Variants in UGT1A3 observed in about 807,000 individuals in gnomAD.
UGT1A3 encodes UDP-glucuronosyltransferase 1A3.
Under a neutral mutation model 41.0 loss-of-function variants are expected in UGT1A3, and 31 were observed. That is an observed-to-expected ratio of 0.76 (90% CI 0.57 to 1.02). UGT1A3 has a LOEUF of 1.02. Ranked by LOEUF, UGT1A3 falls within the 50% of genes least tolerant of loss-of-function variation. The pLI is 0.00. For missense variants in UGT1A3, 737 were observed against 671.0 expected (o/e 1.10, Z -1.09); for synonymous variants, 262 against 257.6 (o/e 1.02, Z -0.17).
intron 1 of UGT1A3, chr2:233,755,543 A>C (rs1450453289): frequency 6.3e-6 from 1 of 158,400 alleles, no homozygotes; most frequent in African/African-American, 2.4e-5. Flanking sequence ...CATGGTCTCC[A>C]AAAAGGATGG....
intron 1 of UGT1A3, among the ~76,000 whole-genome samples, chr2:233,736,167 C>T (rs1159152421): frequency 6.6e-6 from 1 of 152,232 alleles, no homozygotes; most frequent in Non-Finnish European, 1.5e-5. Context: ...TAGATTTGGT[C>T]TTTCCACATA....
chr2:233,768,814 C>T (rs1699733347), intron 4 of UGT1A3, among the ~76,000 whole-genome samples: 1 of 152,052 alleles, frequency 6.6e-6, no homozygotes, highest in African/African-American at 2.4e-5. Context: ...GAACTCCTGA[C>T]TTCAGGTGAT....
chr2:233,765,534 C>G (rs1303263434), intron 1 of UGT1A3, among the ~76,000 whole-genome samples: 1 of 152,060 alleles, frequency 6.6e-6, no homozygotes, highest in African/African-American at 2.4e-5. Context: ...CATGTTCTCA[C>G]TCATAAGTGG....
At chr2:233,762,544 T>C (rs755070967) in intron 1 of UGT1A3, among the ~76,000 whole-genome samples, 100 of 152,370 alleles carry the variant, frequency 6.6e-4, no homozygotes, top group Middle Eastern at 6.8e-3. Flanking sequence ...TACCACAGTG[T>C]ATTCTGCTGG....
chr2:233,741,316 A>C (rs1691627687), intron 1 of UGT1A3, among the ~76,000 whole-genome samples: 7 of 151,556 alleles, frequency 4.6e-5, no homozygotes, highest in Admixed American at 4.6e-4. Context: ...ACACCAACTC[A>C]TTCTACTCTA....
intron 1 of UGT1A3, among the ~76,000 whole-genome samples, chr2:233,736,548 C>T (rs547329540): frequency 1.4e-4 from 21 of 152,318 alleles, no homozygotes; most frequent in Admixed American, 5.9e-4. Flanking sequence ...CAGCTTTGCT[C>T]CATTGCTAGC....
Position 233,759,652 on chromosome 2 carries a change from C to T in UGT1A3, c.868-7382C>T, listed in dbSNP as rs35665780. Among the ~76,000 whole-genome samples the T allele has an allele frequency of 2.9e-3, 358 of 121,974 alleles. 3 individuals are homozygous for T. Among genetic ancestry groups the T allele is most frequent in the Middle Eastern group, 0.024 (3 of 124 alleles). The allele number at this position is 121,974 out of a possible 152,430, so 80.0% of individuals were successfully genotyped here. A position where few individuals can be genotyped will look rare whatever the true frequency, so the allele number is the denominator to read the frequency against. On this transcript the variant is annotated intron_variant, in intron 1 of 4. Coordinates refer to ENST00000482026, the MANE Select transcript of UGT1A3 (RefSeq NM_019093.4). The stretch of plus-strand genomic sequence containing the variant: ...TCCTTCTTAGCATGCTTCACGATTT[C>T]TAAGTTCCTGCTCATGTGTTTAAAT...
chr2:233,760,659 G>T (rs757137518), intron 1 of UGT1A3: 3 of 1,614,230 alleles, frequency 1.9e-6, no homozygotes, highest in Non-Finnish European at 1.7e-6. Context: ...CTATGCTTTT[G>T]TCTGGCTGTT....
At chr2:233,749,672 C>T (rs779436675) in intron 1 of UGT1A3, among the ~76,000 whole-genome samples, 1 of 151,816 alleles carries the variant, frequency 6.6e-6, no homozygotes, top group African/African-American at 2.4e-5. Flanking sequence ...ATAATCCCCA[C>T]GTGTCAAGGA....
chr2:233,745,571 G>A (rs1471928952), intron 1 of UGT1A3, among the ~76,000 whole-genome samples: 1 of 151,668 alleles, frequency 6.6e-6, no homozygotes, highest in African/African-American at 2.4e-5. Flanking sequence ...ATAGCCTCTA[G>A]TGACATAACC....
At chr2:233,730,080 A>G (rs1159659352) in intron 1 of UGT1A3, 87 bp downstream of exon 1, 6 of 1,604,940 alleles carry the variant, frequency 3.7e-6, no homozygotes, top group Non-Finnish European at 5.1e-6. Context: ...TTCCATATTT[A>G]CTTATCTTTC....
chr2:233,738,354 G>A lies in UGT1A3; in HGVS notation c.867+8361G>A, dbSNP rs1033187922. Among the ~76,000 whole-genome samples the A allele has an allele frequency of 9.2e-5, 14 of 152,188 alleles. 1 individual carries two copies. Among genetic ancestry groups the A allele is most frequent in the Admixed American group, 7.2e-4 (11 of 15,278 alleles). The stretch of plus-strand genomic sequence containing the variant: ...ACAGTAAATTGGTGTCATGGAGAGT[G>A]GGGTACTGCTATAAAACTACTTGAA... On this transcript the variant is annotated intron_variant, in intron 1 of 4. Coordinates refer to ENST00000482026, the MANE Select transcript of UGT1A3 (RefSeq NM_019093.4).
rs1394358402 is a variant in UGT1A3 at position 233,747,887 on chromosome 2, T to C, written c.867+17894T>C. The C allele has an allele frequency of 1.2e-5, 19 of 1,613,492 alleles. No homozygotes were observed. The South Asian group carries it at 2.0e-4, about 17-fold the overall frequency. ...CTCTGGCCCTGTCCTACCTTTGCCA[T>C]GCTCTTTCTGCTCCTTATGCAAGCC... On this transcript the variant is annotated intron_variant, in intron 1 of 4. Transcript: ENST00000482026.
chr2:233,760,663 G>A, intron 1 of UGT1A3: 1 of 1,614,204 alleles, frequency 6.2e-7, no homozygotes, highest in Non-Finnish European at 8.5e-7. Context: ...GCTTTTGTCT[G>A]GCTGTTCCCA....
Position 233,729,358 on chromosome 2 carries a change from A to G in UGT1A3, c.232A>G (p.Thr78Ala). The G allele has an allele frequency of 6.2e-7, 1 of 1,614,176 alleles. No homozygotes were observed. The highest frequency in any genetic ancestry group is 1.7e-5 in the Admixed American group (1 of 60,034). ...CAAAGAAGAGAACTTTTTCACCCTG[A>G]CAACCTATGCCATTTCGTGGACCCA... ...HIKEENFFTLTTYAISWTQDE... is the reference protein window; with the variant it reads ...HIKEENFFTLATYAISWTQDE... Residue 78 changes from threonine to alanine, a missense_variant, in exon 1 of 5, where the codon ACA (threonine) becomes GCA (alanine). Physicochemically the swap from Thr to Ala is moderately conservative, Grantham distance 58. Coordinates refer to ENST00000482026, the MANE Select transcript of UGT1A3 (RefSeq NM_019093.4).
At chr2:233,766,970 TACTG>T in intron 1 of UGT1A3, 60 bp from the exon 2 acceptor site, 8 of 1,610,026 alleles carry the variant, frequency 5.0e-6, no homozygotes, top group Non-Finnish European at 6.8e-6. Flanking sequence ...ATTCATAACT[TACTG>T]TATGTAGTCA....
At chr2:233,736,121 A>G (rs1050675156) in intron 1 of UGT1A3, among the ~76,000 whole-genome samples, 2 of 152,066 alleles carry the variant, frequency 1.3e-5, no homozygotes, top group African/African-American at 4.8e-5. Context: ...ACTTGTTTCC[A>G]TTCTCCGCAT....
rs144217005 is a variant in UGT1A3 at position 233,760,613 on chromosome 2, T to C, written c.868-6421T>C. The C allele has an allele frequency of 1.5e-4, 247 of 1,614,256 alleles. No individual in the cohort carries two copies. In the African/African-American group the frequency reaches 3.0e-3, roughly 20 times the overall value. On this transcript the variant is annotated intron_variant, in intron 1 of 4. Transcript: ENST00000482026. The stretch of plus-strand genomic sequence containing the variant: ...GAGAATGATTCTTTCCTGCAGCGTG[T>C]GATCAAAACATACAAGAAAATAAAA...
chr2:233,751,386 C>G (rs1694713563), intron 1 of UGT1A3, among the ~76,000 whole-genome samples: 1 of 152,086 alleles, frequency 6.6e-6, no homozygotes, highest in African/African-American at 2.4e-5. Flanking sequence ...TGCCTTGTCT[C>G]AGATAAGACT....
Sources: gnomAD v4.1 joint callset for allele counts (sites outside exome capture counted in the v4.1 genomes callset) on GRCh38, gnomAD v4.1.1 for gene constraint, MANE v1.5 for transcripts, NCBI Gene and HGNC (gene_info 2026-07-23, HGNC 2026-07-21) for gene names.